KCNQ5: variants seen among roughly 807,000 people sequenced by gnomAD.
The protein encoded by KCNQ5 is potassium voltage-gated channel subfamily Q member 5.
Under a neutral mutation model 98.2 loss-of-function variants are expected in KCNQ5, and 30 were observed. That is an observed-to-expected ratio of 0.31 (90% confidence interval 0.23 to 0.41). The LOEUF (loss-of-function observed/expected upper bound fraction) is 0.41, where lower values mean the gene tolerates loss of function less well. Ranked by LOEUF, KCNQ5 falls within the 10% of genes least tolerant of loss-of-function variation. KCNQ5 has a pLI of 1.00. For synonymous variants in KCNQ5, 458 were observed against 449.4 expected, an observed-to-expected ratio of 1.02 and a Z score of -0.24; for missense variants, 835 against 1,182.5, an observed-to-expected ratio of 0.71 and a Z score of 4.31.
chr6:73,063,652 TGATA>T (rs1263608684), intron 3 of KCNQ5, among the ~76,000 whole-genome samples: 12 of 133,006 alleles, frequency 9.0e-5, no homozygotes, highest in Admixed American at 2.4e-4. Flanking sequence ...TACAGATAGA[TGATA>T]GATAGATAGA....
chr6:72,710,540 A>G (rs1021324367), intron 1 of KCNQ5, among the ~76,000 whole-genome samples: 1 of 152,236 alleles, frequency 6.6e-6, no homozygotes, highest in African/African-American at 2.4e-5. Flanking sequence ...AGGGGTAGCT[A>G]TACTTATTTC....
intron 6 of KCNQ5, among the ~76,000 whole-genome samples, chr6:73,108,503 TATA>T (rs1223302222): frequency 6.6e-6 from 1 of 152,124 alleles, no homozygotes; most frequent in African/African-American, 2.4e-5. Context: ...AATTATTGCA[TATA>T]ATAACATGTT....
At chr6:73,034,839 CTTTT>C (rs71669816) in intron 2 of KCNQ5, among the ~76,000 whole-genome samples, 4 of 113,534 alleles carry the variant, frequency 3.5e-5, no homozygotes, top group East Asian at 2.8e-4. Flanking sequence ...TGCCTCTTTT[CTTTT>C]TTTTTTTTTT....
intron 1 of KCNQ5, among the ~76,000 whole-genome samples, chr6:72,913,874 C>A (rs183263746): frequency 8.7e-4 from 133 of 152,238 alleles, no homozygotes; most frequent in Non-Finnish European, 4.4e-4. Context: ...AGTGGACAGT[C>A]CTGAGAAATA....
chr6:73,075,066 TTA>T (rs1773470977), intron 3 of KCNQ5, among the ~76,000 whole-genome samples: 2 of 152,292 alleles, frequency 1.3e-5, no homozygotes, highest in South Asian at 4.1e-4. Flanking sequence ...ATAACTCTTT[TTA>T]TAAAGTTTTT....
chr6:73,109,460 T>A (rs1775136222), intron 6 of KCNQ5, among the ~76,000 whole-genome samples: 1 of 152,216 alleles, frequency 6.6e-6, no homozygotes, highest in South Asian at 2.1e-4. Context: ...TATAAATATA[T>A]GCCAGAAATT....
At chr6:72,920,282 A>T (rs952499459) in intron 1 of KCNQ5, among the ~76,000 whole-genome samples, 1 of 152,126 alleles carries the variant, frequency 6.6e-6, no homozygotes, top group African/African-American at 2.4e-5. Flanking sequence ...ACAGAGCAGG[A>T]CACTATATCA....
At chr6:72,711,672 G>A (rs1424697301) in intron 1 of KCNQ5, among the ~76,000 whole-genome samples, 1 of 152,104 alleles carries the variant, frequency 6.6e-6, no homozygotes. Flanking sequence ...TAGGTGCAGG[G>A]AGACCTATCC....
chr6:72,887,604 A>G (rs1037854216), intron 1 of KCNQ5, among the ~76,000 whole-genome samples: 1 of 152,220 alleles, frequency 6.6e-6, no homozygotes, highest in African/African-American at 2.4e-5. Flanking sequence ...TTAAAAAGCA[A>G]GACAACAGCA....
Position 73,194,693 on chromosome 6 carries a change from C to T in KCNQ5, c.2078C>T (p.Thr693Met), listed in dbSNP as rs777062053. ...TCGAGAGGCCTGCAGTTCATTCTGACGCCAAATGAGTTCAGTGCCCAGACT... is the reference window on the plus strand; with the variant it reads ...TCGAGAGGCCTGCAGTTCATTCTGATGCCAAATGAGTTCAGTGCCCAGACT... The part of the protein sequence containing the change: ...NISRGLQFIL[T>M]PNEFSAQTFY... Residue 693 changes from threonine to methionine, a missense_variant, in exon 14 of 14, where the codon ACG (threonine) becomes ATG (methionine). Physicochemically the swap from Thr to Met is moderately conservative, Grantham distance 81. Coordinates refer to ENST00000370398, the MANE Select transcript of KCNQ5 (RefSeq NM_019842.4). The T allele has an allele frequency of 9.4e-5, 151 of 1,614,138 alleles. No individual in the cohort carries two copies. Among genetic ancestry groups the T allele is most frequent in the Non-Finnish European group, 1.1e-4 (133 of 1,180,058 alleles).
intron 11 of KCNQ5, among the ~76,000 whole-genome samples, chr6:73,184,609 T>C (rs1778504479): frequency 6.6e-6 from 1 of 152,242 alleles, no homozygotes; most frequent in Non-Finnish European, 1.5e-5. Flanking sequence ...GCACAGTTCC[T>C]GGCATGAATA....
intron 1 of KCNQ5, among the ~76,000 whole-genome samples, chr6:72,623,354 AGTGG>A (rs570516901): frequency 1.4e-5 from 2 of 146,824 alleles, no homozygotes; most frequent in South Asian, 4.3e-4. Flanking sequence ...GAGATCGGGC[AGTGG>A]GTTAAGTCCC....
chr6:72,811,095 G>T (rs575786349), intron 1 of KCNQ5, among the ~76,000 whole-genome samples: 4 of 152,164 alleles, frequency 2.6e-5, no homozygotes, highest in African/African-American at 9.7e-5. Flanking sequence ...CACAGATCTC[G>T]CCTGGTGGCT....
At chr6:73,047,764 G>A (rs1772037310) in intron 3 of KCNQ5, among the ~76,000 whole-genome samples, 3 of 152,108 alleles carry the variant, frequency 2.0e-5, no homozygotes, top group Admixed American at 6.6e-5. Flanking sequence ...ATACAAAAGC[G>A]ACTAAAACAC....
At chr6:72,638,102 A>G (rs187495428) in intron 1 of KCNQ5, among the ~76,000 whole-genome samples, 3 of 152,292 alleles carry the variant, frequency 2.0e-5, no homozygotes, top group African/African-American at 7.2e-5. Flanking sequence ...GAAGCATAAT[A>G]GGAAAGAAAA....
chr6:72,918,689 T>C (rs937857186), intron 1 of KCNQ5, among the ~76,000 whole-genome samples: 4 of 151,986 alleles, frequency 2.6e-5, no homozygotes, highest in Admixed American at 6.6e-5. Context: ...GAGAGGGAGA[T>C]AAATGGCAAT....
chr6:72,995,192 A>G (rs1769227208), intron 1 of KCNQ5, among the ~76,000 whole-genome samples: 1 of 152,118 alleles, frequency 6.6e-6, no homozygotes, highest in Non-Finnish European at 1.5e-5. Flanking sequence ...AACATGGTGA[A>G]GCCCCATCTC....
chr6:72,926,630 G>C (rs910810244), intron 1 of KCNQ5, among the ~76,000 whole-genome samples: 1 of 152,026 alleles, frequency 6.6e-6, no homozygotes, highest in Non-Finnish European at 1.5e-5. Context: ...GTGAAGGTTT[G>C]AAATCCTCTT....
chr6:73,188,471 C>G (rs1438607893), intron 11 of KCNQ5, among the ~76,000 whole-genome samples: 1 of 152,210 alleles, frequency 6.6e-6, no homozygotes. Context: ...ACTTTGAAGA[C>G]AGCAAAGAAG....
Sources: gnomAD v4.1 joint callset for allele counts (sites outside exome capture counted in the v4.1 genomes callset) on GRCh38, gnomAD v4.1.1 for gene constraint, MANE v1.5 for transcripts, NCBI Gene and HGNC (gene_info 2026-07-23, HGNC 2026-07-21) for gene names.